The following MICAL2 variants were observed in gnomAD, a reference collection of about 807,000 sequenced individuals.
MICAL2 encodes the protein [F-actin]-monooxygenase MICAL2.
Under a neutral mutation model 127.3 loss-of-function variants are expected in MICAL2, and 77 were observed. The ratio of observed to expected loss-of-function variants is 0.60; its 90% CI spans 0.50 to 0.73. The LOEUF (loss-of-function observed/expected upper bound fraction) is 0.73, where lower values mean the gene tolerates loss of function less well. MICAL2 is among the 30% of genes least tolerant of loss of function. MICAL2 has a pLI of 0.00. For missense variants in MICAL2, 1,351 were observed against 1,434.4 expected (o/e 0.94, Z 0.94); for synonymous variants, 570 against 551.1 (o/e 1.03, Z -0.48).
chr11:12,311,703 G>A (rs955951215), intron 29 of MICAL2, among the ~76,000 whole-genome samples: 10 of 152,212 alleles, frequency 6.6e-5, no homozygotes, highest in Non-Finnish European at 1.3e-4. Flanking sequence ...ACCATGCCTG[G>A]CCAAATTTTT....
intron 2 of MICAL2, among the ~76,000 whole-genome samples, chr11:12,151,015 C>T (rs1243133419): frequency 6.6e-6 from 1 of 152,030 alleles, no homozygotes; most frequent in Non-Finnish European, 1.5e-5. Context: ...TCACAGGAAC[C>T]CTATGTTGTT....
At chr11:12,183,782 C>CT (rs1017094729) in intron 3 of MICAL2, among the ~76,000 whole-genome samples, 3 of 151,942 alleles carry the variant, frequency 2.0e-5, no homozygotes, top group Admixed American at 6.6e-5. Flanking sequence ...GGCTGTGAGA[C>CT]TTTTTTTTAT....
intron 29 of MICAL2, among the ~76,000 whole-genome samples, chr11:12,310,072 A>G (rs1235213002): frequency 6.6e-6 from 1 of 152,140 alleles, no homozygotes; most frequent in African/African-American, 2.4e-5. Context: ...TATTCTGGTT[A>G]TTAATCCCTT....
At chr11:12,328,803 A>C (rs1004779892) in intron 32 of MICAL2, among the ~76,000 whole-genome samples, 4 of 152,224 alleles carry the variant, frequency 2.6e-5, no homozygotes, top group Non-Finnish European at 4.4e-5. Flanking sequence ...GTCCAGTTAC[A>C]TGAGAGCGAT....
chr11:12,255,564 A>G, intron 22 of MICAL2, 79 bp from the exon 23 acceptor site: 4 of 1,288,920 alleles, frequency 3.1e-6, no homozygotes, highest in South Asian at 2.5e-5. Flanking sequence ...CTCCCCATCC[A>G]TCCTGCTTGT....
intron 1 of MICAL2, among the ~76,000 whole-genome samples, chr11:12,116,471 G>A (rs1589960508): frequency 6.7e-6 from 1 of 149,492 alleles, no homozygotes; most frequent in South Asian, 2.1e-4. Context: ...GGCCTGTCTT[G>A]TCCTCTCAGG....
intron 20 of MICAL2, among the ~76,000 whole-genome samples, 164 bp from the exon 21 acceptor site, chr11:12,243,823 T>A (rs2270510): frequency 6.6e-6 from 1 of 152,044 alleles, no homozygotes; most frequent in Non-Finnish European, 1.5e-5. Flanking sequence ...AGCCAGATAA[T>A]CCTTTCTGGC....
intron 1 of MICAL2, among the ~76,000 whole-genome samples, chr11:12,129,636 C>CTTCTTTTTTTTT (rs1554949317): frequency 1.0e-5 from 1 of 97,466 alleles, no homozygotes; most frequent in African/African-American, 4.6e-5. Flanking sequence ...TCTTCTTCTT[C>CTTCTTTTTTTTT]TTTTTTTTTT....
downstream of MICAL2, among the ~76,000 whole-genome samples, chr11:12,263,970 T>C (rs1351370746): frequency 1.3e-5 from 2 of 152,084 alleles, no homozygotes; most frequent in African/African-American, 4.8e-5. Context: ...TTGGAAACTG[T>C]CACCAATGCT....
chr11:12,199,280 GAC>G (rs1860354203), intron 3 of MICAL2, among the ~76,000 whole-genome samples: 2 of 152,082 alleles, frequency 1.3e-5, no homozygotes, highest in African/African-American at 4.8e-5. Flanking sequence ...AAGCAAATAG[GAC>G]AGTGCCTGGC....
At chr11:12,189,685 G>C (rs745445194) in intron 3 of MICAL2, among the ~76,000 whole-genome samples, 1 of 152,194 alleles carries the variant, frequency 6.6e-6, no homozygotes, top group Non-Finnish European at 1.5e-5. Context: ...ATTAGACCTG[G>C]GTCCCGGAAA....
At chr11:12,121,872 G>A (rs1452081535) in intron 1 of MICAL2, among the ~76,000 whole-genome samples, 6 of 152,296 alleles carry the variant, frequency 3.9e-5, no homozygotes, top group East Asian at 1.9e-4. Context: ...AATTGTTCCC[G>A]CAAGCAGCAA....
chr11:12,280,906 C>CA (rs1194902816), intron 1 of MICAL2: 1 of 398,890 alleles, frequency 2.5e-6, no homozygotes, highest in Non-Finnish European at 4.4e-6. Flanking sequence ...CCCCCTGACT[C>CA]ACCCACCCAC....
chr11:12,231,139 C>G (rs1191777626), intron 15 of MICAL2, among the ~76,000 whole-genome samples: 1 of 152,240 alleles, frequency 6.6e-6, no homozygotes, highest in African/African-American at 2.4e-5. Context: ...ACAATACCTA[C>G]CAGTACTCTC....
intron 8 of MICAL2, among the ~76,000 whole-genome samples, chr11:12,217,539 C>A (rs1856332597): frequency 6.6e-6 from 1 of 152,148 alleles, no homozygotes; most frequent in Admixed American, 6.5e-5. Flanking sequence ...GAAGTTGCCT[C>A]CTGAAGTTGC....
intron 4 of MICAL2, among the ~76,000 whole-genome samples, chr11:12,204,960 G>A (rs1274878555): frequency 6.6e-6 from 1 of 152,220 alleles, no homozygotes; most frequent in Non-Finnish European, 1.5e-5. Context: ...TGGACATTGT[G>A]CATCGTGCTG....
At chr11:12,118,252 C>T (rs545791831) in intron 1 of MICAL2, among the ~76,000 whole-genome samples, 27 of 152,332 alleles carry the variant, frequency 1.8e-4, no homozygotes, top group East Asian at 5.8e-4. Flanking sequence ...TACCTTCACA[C>T]GCACACATAG....
chr11:12,200,461 C>T (rs1860558625), intron 3 of MICAL2, among the ~76,000 whole-genome samples: 1 of 152,208 alleles, frequency 6.6e-6, no homozygotes, highest in Admixed American at 6.5e-5. Context: ...TCTGCCCGGG[C>T]ACGTGGCTGC....
rs761310735 is a variant in MICAL2, at chr11:12,213,288, C to A, written c.725C>A (p.Ala242Glu). The change falls in exon 7 of 28, where the codon GCG becomes GAG. Residue 242 changes from alanine to glutamate, a missense_variant. This residue lies in a region of MICAL2 where 599 missense variants were observed against 714.9 expected (regional missense o/e 0.84). Transcript: ENST00000683283. ...FRRKEFRGKL[A>E]IAITANFINR... ...AGAAAAGAATTCCGTGGGAAGCTGG[C>A]GATTGCCATCACCGCCAACTTCATA... is the stretch of plus-strand genomic sequence containing the variant. 1.2e-6 allele frequency: 2 copies of A among 1,612,692 alleles called. No individual in the cohort carries two copies. The highest frequency in any genetic ancestry group is 1.7e-6 in the Non-Finnish European group (2 of 1,178,986).
Sources: allele counts gnomAD v4.1 joint callset (sites outside exome capture counted in the v4.1 genomes callset), GRCh38; gene constraint gnomAD v4.1.1; regional missense constraint gnomAD v4.1.1; transcripts MANE v1.5; gene names NCBI Gene and HGNC (gene_info 2026-07-23, HGNC 2026-07-21).